SERPINA6: variants seen among roughly 807,000 people sequenced by gnomAD.
The protein encoded by SERPINA6 is serpin family A member 6.
A neutral mutation model predicts 26.4 loss-of-function variants in SERPINA6; 19 were observed. That is an observed-to-expected ratio of 0.72 (90% CI 0.50 to 1.06). The LOEUF (loss-of-function observed/expected upper bound fraction) is 1.06. Among genes scored for constraint, SERPINA6 ranks in the 50% least tolerant of loss-of-function variants. The probability of loss-of-function intolerance (pLI) is 0.00; values close to 1 mark genes in which losing one functional copy is unlikely to be tolerated. For synonymous variants in SERPINA6, 196 were observed against 199.4 expected, an observed-to-expected ratio of 0.98 and a Z score of 0.14; for missense variants, 473 against 504.0, an observed-to-expected ratio of 0.94 and a Z score of 0.59.
In SERPINA6 at chr14:94,314,485, A is replaced by G; in HGVS notation, c.164T>C (p.Val55Ala). The G allele has an allele frequency of 6.2e-7, 1 of 1,614,156 alleles. No individual in the cohort carries two copies. Among genetic ancestry groups the G allele is most frequent in the Non-Finnish European group, 8.5e-7 (1 of 1,179,994 alleles). The change falls in exon 2 of 5, where the codon GTG becomes GCG. Residue 55 changes from valine to alanine, a missense_variant. Coordinates refer to ENST00000341584, the MANE Select transcript of SERPINA6 (RefSeq NM_001756.4). The part of the protein sequence containing the change: ...DFAFSLYKHL[V>A]ALSPKKNIFI... ...AATGTTCTTTTTGGGACTCAAGGCCACTAGGTGCTTATACAGGCTGAAGGC... is the reference window on the plus strand; with the variant it reads ...AATGTTCTTTTTGGGACTCAAGGCCGCTAGGTGCTTATACAGGCTGAAGGC...
Position 94,304,457 on chromosome 14 carries a change from C to T in SERPINA6, c.1179G>A (p.Trp393Ter), listed in dbSNP as rs2139712629. ...FIIMIFDHFT[W>*]SSLFLARVMN... ...TAACCCTCGCCAGGAAAAGGCTGCT[C>T]CAGGTGAAGTGGTCGAAGATCATGA... The change falls in exon 5 of 5, where the codon TGG becomes TGA. Residue 393 changes from tryptophan to a stop codon, truncating the protein, a stop_gained. Transcript: ENST00000341584. LOFTEE classifies it high-confidence loss of function. The T allele has an allele frequency of 6.2e-7, 1 of 1,614,088 alleles. No individual in the cohort carries two copies. The highest frequency in any genetic ancestry group is 8.5e-7 in the Non-Finnish European group (1 of 1,180,024).
chr14:94,312,422 G>C (rs942472820), intron 2 of SERPINA6, among the ~76,000 whole-genome samples: 1 of 152,036 alleles, frequency 6.6e-6, no homozygotes, highest in Non-Finnish European at 1.5e-5. Flanking sequence ...CTGAACCTCT[G>C]TGCAACCACT....
Position 94,309,814 on chromosome 14 carries a change from T to C in SERPINA6, c.806A>G (p.Asp269Gly), listed in dbSNP as rs758825244. 5 of 1,614,166 alleles carry C rather than the reference T, an allele frequency of 3.1e-6. No individual in the cohort carries two copies. The highest frequency in any genetic ancestry group is 4.2e-6 in the Non-Finnish European group (5 of 1,180,022). ...GNGTVFFILPDKGKMNTVIAA... is the reference protein window; with the variant it reads ...GNGTVFFILPGKGKMNTVIAA... ...GATGACTGTGTTCATCTTCCCCTTG[T>C]CCGGAAGGATGAAGAAGACAGTCCC... The change falls in exon 3 of 5, where the codon GAC (aspartate) becomes GGC (glycine). Residue 269 changes from aspartate to glycine, a missense_variant. Physicochemically the swap from Asp to Gly is moderately conservative, Grantham distance 94 (BLOSUM62 -1). Transcript: ENST00000341584.
rs1000254371 is a variant in SERPINA6 at position 94,319,074 on chromosome 14, T to A, written c.-20+4193A>T. 7.2e-5 allele frequency among the ~76,000 whole-genome samples: 11 copies of A among 152,210 alleles called. No homozygotes were observed. The East Asian group carries it at 2.1e-3, about 29-fold the overall frequency. On this transcript the variant is annotated intron_variant, in intron 1 of 4. Coordinates refer to ENST00000341584, the MANE Select transcript of SERPINA6 (RefSeq NM_001756.4). Reference sequence around the variant, plus strand: ...CACATGAAAAGATGCTCAGCATCACTAATCATTAGGAATATCAAAACCGCA... The same window carrying A: ...CACATGAAAAGATGCTCAGCATCACAAATCATTAGGAATATCAAAACCGCA...
intron 1 of SERPINA6, 182 bp from the exon 2 acceptor site, chr14:94,314,849 T>A (rs1895591046): frequency 3.1e-6 from 2 of 637,540 alleles, no homozygotes; most frequent in South Asian, 3.7e-5. Flanking sequence ...GAGATATGAA[T>A]AACAGCCGTT....
Position 94,323,270 on chromosome 14 carries a change from C to T in SERPINA6, c.-23G>A, listed in dbSNP as rs1389405732. 1 of 152,410 alleles carries T rather than the reference C, an allele frequency of 6.6e-6. No individual in the cohort carries two copies. Among genetic ancestry groups the T allele is most frequent in the Non-Finnish European group, 1.5e-5 (1 of 68,178 alleles). The allele number at this position is 152,410 out of a possible 1,614,324, so 9.4% of individuals were successfully genotyped here. On this transcript the variant is annotated 5_prime_UTR_variant, in exon 1 of 5. Transcript: ENST00000341584. ...AGGGTTCTCAGGTGTTACTCACAGT[C>T]TGCGGTGGGCTCAGGCTGTTTCTGC...
rs1324358512 is a variant in SERPINA6, at chr14:94,309,948, G to A, written c.672C>T (p.Asp224=). 1.1e-5 allele frequency: 17 copies of A among 1,614,088 alleles called. No homozygotes were observed. Among genetic ancestry groups the A allele is most frequent in the East Asian group, 2.2e-5 (1 of 44,876 alleles). Residue 224 remains aspartate, a synonymous_variant, in exon 3 of 5, where the codon GAC becomes GAT. Transcript: ENST00000341584. ...TGGGCACCTTCACCACAGTTGTCTCGTCCACATAGAAGTTCTCCTCCCTGG... is the reference window on the plus strand; with the variant it reads ...TGGGCACCTTCACCACAGTTGTCTCATCCACATAGAAGTTCTCCTCCCTGG... ...ASTREENFYV[D]ETTVVKVPMM...
rs1166598045 is a variant in SERPINA6 at position 94,306,234 on chromosome 14, A to G, written c.885-16T>C. Reference sequence around the variant, plus strand: ...GTCCACCTGGCTGCTCGGGGTAAGCAGACAGAGTTAGACATTCCAGGGCTG... The same window carrying G: ...GTCCACCTGGCTGCTCGGGGTAAGCGGACAGAGTTAGACATTCCAGGGCTG... On this transcript the variant is annotated splice_polypyrimidine_tract_variant and intron_variant, in intron 3 of 4. Coordinates refer to ENST00000341584, the MANE Select transcript of SERPINA6 (RefSeq NM_001756.4). 4 of 1,613,920 alleles carry G rather than the reference A, an allele frequency of 2.5e-6. No individual in the cohort carries two copies. In the African/African-American group the frequency reaches 5.3e-5, roughly 22 times the overall value.
At chr14:94,307,161 G>A (rs1020190850) in intron 3 of SERPINA6, among the ~76,000 whole-genome samples, 1 of 152,170 alleles carries the variant, frequency 6.6e-6, no homozygotes, top group African/African-American at 2.4e-5. Flanking sequence ...AAGAAAGGAA[G>A]GGAGACCAAT....
At chr14:94,314,997 G>A (rs1895593437) in intron 1 of SERPINA6, among the ~76,000 whole-genome samples, 1 of 152,214 alleles carries the variant, frequency 6.6e-6, no homozygotes. Context: ...TAGGTGCTCA[G>A]AAAGGTTAAA....
At position 94,306,792 on chromosome 14, in the gene SERPINA6, G is replaced by C. The variant is rs142835944; in HGVS notation, c.885-574C>G. Among the ~76,000 whole-genome samples, 972 of 152,338 alleles carry C rather than the reference G, an allele frequency of 6.4e-3. 16 individuals carry two copies. The highest frequency in any genetic ancestry group is 0.058 in the Middle Eastern group (17 of 294). ...CTGGCAGTTTCTACCAGATGAAGCA[G>C]GTGGGGTTTCTAGAAAGGTAAGTGG... On this transcript the variant is annotated intron_variant, in intron 3 of 4. Coordinates refer to ENST00000341584, the MANE Select transcript of SERPINA6 (RefSeq NM_001756.4).
At chr14:94,312,626 G>C (rs1262594387) in intron 2 of SERPINA6, among the ~76,000 whole-genome samples, 3 of 152,240 alleles carry the variant, frequency 2.0e-5, no homozygotes, top group Non-Finnish European at 4.4e-5. Context: ...TAGGAAGGCT[G>C]CCTTTGCCTG....
intron 1 of SERPINA6, among the ~76,000 whole-genome samples, chr14:94,318,447 G>A (rs573535902): frequency 4.2e-4 from 64 of 152,236 alleles, no homozygotes; most frequent in African/African-American, 1.5e-3. Flanking sequence ...AATCAAAACA[G>A]TGTGGTACTG....
chr14:94,314,301 A>G lies in SERPINA6; in HGVS notation c.348T>C (p.Phe116=). The G allele has an allele frequency of 6.2e-7, 1 of 1,614,160 alleles. No individual in the cohort carries two copies. The highest frequency in any genetic ancestry group is 1.7e-5 in the Admixed American group (1 of 60,024). Residue 116 remains phenylalanine (F), a synonymous_variant, in exon 2 of 5, where the codon TTT becomes TTC. Coordinates refer to ENST00000341584, the MANE Select transcript of SERPINA6 (RefSeq NM_001756.4). ...TTTCTAAGCTGGTGTCTGACTTTGC[A>G]AAGAGTTGGTGCAGGTGCTGGAAAC... The part of the protein sequence containing the change: ...HQGFQHLHQL[F]AKSDTSLEMT...
rs763580298 is a variant in SERPINA6 at position 94,309,966 on chromosome 14, C to T, written c.654G>A (p.Glu218=). 4 of 1,614,172 alleles carry T rather than the reference C, an allele frequency of 2.5e-6. No individual in the cohort carries two copies. Among genetic ancestry groups the T allele is most frequent in the Admixed American group, 3.3e-5 (2 of 60,026 alleles). Residue 218 remains glutamate, a synonymous_variant, in exon 3 of 5, where the codon GAG becomes GAA. Coordinates refer to ENST00000341584, the MANE Select transcript of SERPINA6 (RefSeq NM_001756.4). ...TQPFDLASTR[E]ENFYVDETTV... ...TTGTCTCGTCCACATAGAAGTTCTC[C>T]TCCCTGGTGCTTGCCAGGTCAAAGG... is the stretch of plus-strand genomic sequence containing the variant.
intron 3 of SERPINA6, among the ~76,000 whole-genome samples, chr14:94,307,185 C>G (rs958190431): frequency 6.6e-6 from 1 of 152,184 alleles, no homozygotes; most frequent in Non-Finnish European, 1.5e-5. Context: ...TCCCAAACAC[C>G]TGGTCTATGT....
At chr14:94,305,850 C>CTCCTGTGTCGACAGCT (rs1049324910) in intron 4 of SERPINA6, among the ~76,000 whole-genome samples, 1 of 152,122 alleles carries the variant, frequency 6.6e-6, no homozygotes, top group South Asian at 2.1e-4. Flanking sequence ...GCCTGTGGCC[C>CTCCTGTGTCGACAGCT]TCCTGTGTCG....
intron 1 of SERPINA6, among the ~76,000 whole-genome samples, chr14:94,320,466 G>A (rs376199505): frequency 2.6e-5 from 4 of 152,182 alleles, no homozygotes; most frequent in African/African-American, 9.7e-5. Context: ...CAGCCTATGT[G>A]TGTATGTCAC....
intron 2 of SERPINA6, among the ~76,000 whole-genome samples, chr14:94,311,425 T>C (rs1895528138): frequency 2.0e-5 from 3 of 152,182 alleles, no homozygotes; most frequent in African/African-American, 7.2e-5. Context: ...ATTTCTTTTC[T>C]AGGAGTAAGC....
Sources: gnomAD v4.1 joint callset for allele counts (sites outside exome capture counted in the v4.1 genomes callset) on GRCh38, gnomAD v4.1.1 for gene constraint, MANE v1.5 for transcripts, NCBI Gene and HGNC (gene_info 2026-07-23, HGNC 2026-07-21) for gene names.